Variants in NR2F1-AS1 observed in about 807,000 individuals in gnomAD.
The protein encoded by NR2F1-AS1 is NR2F1 regulatory antisense RNA 1, also known as NR2F1 antisense RNA 1.
At chr5:93,547,799 G>T (rs182384408) in intron 4 of NR2F1-AS1, among the ~76,000 whole-genome samples, 7 of 152,100 alleles carry the variant, frequency 4.6e-5, no homozygotes, top group Non-Finnish European at 8.8e-5. Flanking sequence ...GAAAATGTCA[G>T]TGTTAACATA....
intron 1 of NR2F1-AS1, among the ~76,000 whole-genome samples, chr5:93,567,081 C>A (rs1752635412): frequency 1.3e-5 from 2 of 151,980 alleles, no homozygotes; most frequent in African/African-American, 4.8e-5. Flanking sequence ...ATCTGATATT[C>A]TCAGTCCAAA....
chr5:93,529,148 A>C (rs1473507640), intron 4 of NR2F1-AS1, among the ~76,000 whole-genome samples: 1 of 152,160 alleles, frequency 6.6e-6, no homozygotes, highest in Non-Finnish European at 1.5e-5. Context: ...TTGATTAGTG[A>C]TGCTAAAGAT....
chr5:93,578,928 A>T (rs1329109148), intron 1 of NR2F1-AS1, among the ~76,000 whole-genome samples: 1 of 152,216 alleles, frequency 6.6e-6, no homozygotes, highest in Admixed American at 6.5e-5. Context: ...AATTGGGACC[A>T]GTATCAAAAG....
intron 4 of NR2F1-AS1, among the ~76,000 whole-genome samples, chr5:93,464,164 G>A (rs1056358451): frequency 1.3e-5 from 2 of 152,144 alleles, no homozygotes; most frequent in Admixed American, 1.3e-4. Flanking sequence ...GAATTATGGT[G>A]GCAGGTCTTT....
chr5:93,457,684 C>G (rs1749982389), intron 4 of NR2F1-AS1, among the ~76,000 whole-genome samples: 1 of 151,994 alleles, frequency 6.6e-6, no homozygotes, highest in African/African-American at 2.4e-5. Flanking sequence ...ACCGTTGATA[C>G]AATCATCAAA....
chr5:93,417,393 T>C (rs180684501), intron 4 of NR2F1-AS1, among the ~76,000 whole-genome samples: 1 of 152,328 alleles, frequency 6.6e-6, no homozygotes, highest in Admixed American at 6.5e-5. Context: ...GGAAGAACAG[T>C]GACCTCAAAA....
intron 4 of NR2F1-AS1, among the ~76,000 whole-genome samples, chr5:93,454,808 G>C (rs1433920053): frequency 1.3e-5 from 2 of 152,200 alleles, no homozygotes; most frequent in African/African-American, 4.8e-5. Context: ...ACAGGGTTCA[G>C]AGAGCTTCTG....
intron 4 of NR2F1-AS1, among the ~76,000 whole-genome samples, chr5:93,468,012 C>T (rs1750277555): frequency 2.0e-5 from 3 of 152,190 alleles, no homozygotes; most frequent in African/African-American, 7.2e-5. Flanking sequence ...GCATAGTATT[C>T]CATGGTGTAT....
chr5:93,443,397 C>T (rs181186227), intron 4 of NR2F1-AS1, among the ~76,000 whole-genome samples: 74 of 151,988 alleles, frequency 4.9e-4, no homozygotes, highest in South Asian at 2.1e-4. Context: ...AATTACGGGA[C>T]GCATGTACAA....
chr5:93,418,613 A>G (rs895251682), intron 4 of NR2F1-AS1, among the ~76,000 whole-genome samples: 5 of 151,844 alleles, frequency 3.3e-5, no homozygotes, highest in Admixed American at 2.6e-4. Context: ...ATAAATAAAT[A>G]AATAAATAAA....
chr5:93,558,075 T>C (rs1314129909), intron 2 of NR2F1-AS1, among the ~76,000 whole-genome samples: 1 of 152,204 alleles, frequency 6.6e-6, no homozygotes, highest in Non-Finnish European at 1.5e-5. Flanking sequence ...TCCCTATTTC[T>C]ACCACATCTG....
chr5:93,482,993 C>G (rs552017510), intron 4 of NR2F1-AS1, among the ~76,000 whole-genome samples: 1 of 152,156 alleles, frequency 6.6e-6, no homozygotes, highest in African/African-American at 2.4e-5. Context: ...GACAGAGCAC[C>G]TAGGGGAAGG....
At chr5:93,520,705 A>C (rs1409165721) in intron 4 of NR2F1-AS1, among the ~76,000 whole-genome samples, 1 of 152,150 alleles carries the variant, frequency 6.6e-6, no homozygotes, top group Non-Finnish European at 1.5e-5. Flanking sequence ...AAAACAAAAC[A>C]AAGGAAATTA....
At chr5:93,581,641 C>T (rs1455810345), upstream of NR2F1-AS1, among the ~76,000 whole-genome samples, 2 of 139,526 alleles carry the variant, frequency 1.4e-5, no homozygotes, top group Admixed American at 7.6e-5. Context: ...GACCAATCAC[C>T]TTCAGGATTC....
chr5:93,410,457 T>G (rs79717316), intron 4 of NR2F1-AS1: 1 of 152,600 alleles, frequency 6.6e-6, no homozygotes, highest in East Asian at 1.9e-4. Flanking sequence ...CCAGTAAGCA[T>G]TGCCACCTGA....
chr5:93,419,840 A>G (rs1749050744), intron 4 of NR2F1-AS1, among the ~76,000 whole-genome samples: 1 of 152,196 alleles, frequency 6.6e-6, no homozygotes, highest in African/African-American at 2.4e-5. Flanking sequence ...TTCTGATTGA[A>G]GCCAAGGTGG....
At chr5:93,482,349 C>T (rs116462756) in intron 4 of NR2F1-AS1, among the ~76,000 whole-genome samples, 164 of 152,204 alleles carry the variant, frequency 1.1e-3, no homozygotes, top group African/African-American at 3.8e-3. Context: ...TGCAAGGGGT[C>T]GGTGAACTCC....
At chr5:93,420,196 C>T (rs1313624765) in intron 4 of NR2F1-AS1, among the ~76,000 whole-genome samples, 2 of 152,048 alleles carry the variant, frequency 1.3e-5, no homozygotes, top group African/African-American at 4.8e-5. Flanking sequence ...TGTCTCAAAA[C>T]CAACAAACAA....
chr5:93,416,078 C>T (rs1748961819), intron 4 of NR2F1-AS1, among the ~76,000 whole-genome samples: 1 of 152,176 alleles, frequency 6.6e-6, no homozygotes, highest in Admixed American at 6.6e-5. Context: ...ATTATAGTCT[C>T]ATGCAGGACA....
Sources: gnomAD v4.1 joint callset for allele counts (sites outside exome capture counted in the v4.1 genomes callset) on GRCh38, gnomAD v4.1.1 for gene constraint, MANE v1.5 for transcripts, NCBI Gene and HGNC (gene_info 2026-07-23, HGNC 2026-07-21) for gene names.